MALRD1: variants seen among roughly 807,000 people sequenced by gnomAD.
MALRD1 encodes MAM and LDL receptor class A domain containing 1.
A neutral mutation model predicts 242.1 loss-of-function variants in MALRD1; 247 were observed. That is an observed-to-expected ratio of 1.02 (90% CI 0.92 to 1.13). MALRD1 has a LOEUF of 1.13. Ranked by LOEUF, MALRD1 falls within the 50% of genes most tolerant of loss-of-function variation. The pLI is 0.00. For missense variants in MALRD1, 2,989 were observed against 2,533.1 expected, an observed-to-expected ratio of 1.18 and a Z score of -3.86; for synonymous variants, 995 against 866.6, an observed-to-expected ratio of 1.15 and a Z score of -2.60.
chr10:19,206,748 T>G (rs1461057017), intron 17 of MALRD1, among the ~76,000 whole-genome samples: 1 of 152,168 alleles, frequency 6.6e-6, no homozygotes, highest in Non-Finnish European at 1.5e-5. Flanking sequence ...TATGGAAAGG[T>G]GGAGCTAGGC....
chr10:19,074,841 T>C (rs1285924421), intron 2 of MALRD1, among the ~76,000 whole-genome samples: 1 of 152,074 alleles, frequency 6.6e-6, no homozygotes, highest in East Asian at 1.9e-4. Context: ...TTCAAATTAA[T>C]TTAGACACAA....
At chr10:19,350,442 TG>T (rs1780624073) in intron 25 of MALRD1, among the ~76,000 whole-genome samples, 1 of 151,726 alleles carries the variant, frequency 6.6e-6, no homozygotes, top group African/African-American at 2.4e-5. Context: ...AGCTGTTTTT[TG>T]TTGTTGTATT....
intron 18 of MALRD1, among the ~76,000 whole-genome samples, chr10:19,230,175 A>T (rs1431302291): frequency 3.3e-5 from 5 of 150,976 alleles, no homozygotes; most frequent in Non-Finnish European, 7.4e-5. Flanking sequence ...AATTCATTAA[A>T]CCTCTTTTTC....
At position 19,685,892 on chromosome 10, in the gene MALRD1, C is replaced by T. The variant is rs937815525; in HGVS notation, c.6138-6390C>T. ...AACCAATCTCATGGATTAGCAATGC[C>T]GTGCGGTGATAGGTGTGGTTCTGAG... On this transcript the variant is annotated intron_variant, in intron 36 of 39. Transcript: ENST00000454679. 3.3e-5 allele frequency among the ~76,000 whole-genome samples: 5 copies of T among 152,056 alleles called. 1 individual carries two copies. Among genetic ancestry groups the T allele is most frequent in the South Asian group, 4.1e-4 (2 of 4,822 alleles).
intron 35 of MALRD1, among the ~76,000 whole-genome samples, chr10:19,613,271 T>C (rs1474733874): frequency 1.3e-5 from 2 of 152,032 alleles, no homozygotes; most frequent in African/African-American, 4.8e-5. Context: ...ATTAAATATT[T>C]CATCTGAGGT....
chr10:19,416,215 A>G (rs558892184), intron 28 of MALRD1, among the ~76,000 whole-genome samples: 1 of 152,338 alleles, frequency 6.6e-6, no homozygotes, highest in South Asian at 2.1e-4. Flanking sequence ...CAATTAAACT[A>G]AATGAGAGTT....
chr10:19,556,060 C>T (rs1835703113), intron 32 of MALRD1, among the ~76,000 whole-genome samples: 1 of 152,068 alleles, frequency 6.6e-6, no homozygotes. Context: ...ATTCTCTCAC[C>T]AGCGCTATCA....
At chr10:19,389,360 A>C in intron 27 of MALRD1, 92 bp from the exon 28 acceptor site, 1 of 1,327,808 alleles carries the variant, frequency 7.5e-7, no homozygotes, top group Non-Finnish European at 1.1e-6. Context: ...GATCATACGA[A>C]TTGTAATTAA....
intron 33 of MALRD1, among the ~76,000 whole-genome samples, chr10:19,586,998 G>A (rs1034281116): frequency 7.9e-5 from 12 of 152,184 alleles, no homozygotes; most frequent in Non-Finnish European, 1.5e-4. Flanking sequence ...TCCAGGTGCC[G>A]TCTGTCACCA....
At chr10:19,138,422 A>ATTTTTTTT in intron 10 of MALRD1, among the ~76,000 whole-genome samples, 1 of 136,598 alleles carries the variant, frequency 7.3e-6, no homozygotes. Context: ...CACGTATTTA[A>ATTTTTTTT]TTTTTTTTTT....
At chr10:19,224,688 T>G (rs1484814279) in intron 18 of MALRD1, among the ~76,000 whole-genome samples, 6 of 152,166 alleles carry the variant, frequency 3.9e-5, no homozygotes, top group Non-Finnish European at 8.8e-5. Context: ...ATGGGGTTGT[T>G]TTTTTCTTGT....
chr10:19,510,706 T>C (rs1196580543), intron 31 of MALRD1, among the ~76,000 whole-genome samples: 2 of 152,260 alleles, frequency 1.3e-5, no homozygotes, highest in African/African-American at 4.8e-5. Context: ...GAGTCTCTTA[T>C]GTCTACTTCT....
At chr10:19,398,391 A>AT (rs76712590) in intron 28 of MALRD1, among the ~76,000 whole-genome samples, 22,399 of 152,116 alleles carry the variant, frequency 0.15, 1,797 homozygotes, top group East Asian at 0.27. Context: ...GACTTTGAAA[A>AT]ATATATGTTA....
At chr10:19,342,485 A>T (rs1374111326) in intron 24 of MALRD1, among the ~76,000 whole-genome samples, 1 of 152,134 alleles carries the variant, frequency 6.6e-6, no homozygotes, top group Non-Finnish European at 1.5e-5. Context: ...AGTAAAAGAG[A>T]TATGTAAATA....
chr10:19,499,389 T>G (rs1837865785), intron 31 of MALRD1, among the ~76,000 whole-genome samples: 3 of 149,696 alleles, frequency 2.0e-5, no homozygotes, highest in Admixed American at 1.3e-4. Context: ...GAACTTTGAG[T>G]AAAGTGGATT....
At chr10:19,317,708 T>A (rs1588901215) in intron 21 of MALRD1, among the ~76,000 whole-genome samples, 1 of 151,886 alleles carries the variant, frequency 6.6e-6, no homozygotes, top group East Asian at 1.9e-4. Flanking sequence ...TGAATTAGAG[T>A]AACTACTCAG....
chr10:19,586,862 G>A (rs556409860), intron 33 of MALRD1, among the ~76,000 whole-genome samples: 2 of 152,208 alleles, frequency 1.3e-5, no homozygotes, highest in Non-Finnish European at 1.5e-5. Context: ...AGACTGCTGC[G>A]TTAGCAATCA....
chr10:19,621,504 T>C (rs960221983), intron 36 of MALRD1, among the ~76,000 whole-genome samples: 23 of 151,564 alleles, frequency 1.5e-4, no homozygotes, highest in South Asian at 8.3e-4. Context: ...TGTAAATGTA[T>C]TCAGAAATTT....
At chr10:19,305,180 A>C (rs573562597) in intron 21 of MALRD1, among the ~76,000 whole-genome samples, 60 of 151,788 alleles carry the variant, frequency 4.0e-4, no homozygotes, top group African/African-American at 1.3e-3. Flanking sequence ...AATCGTATCT[A>C]TTTTAACATA....
Sources: allele counts gnomAD v4.1 joint callset (sites outside exome capture counted in the v4.1 genomes callset), GRCh38; gene constraint gnomAD v4.1.1; transcripts MANE v1.5; gene names NCBI Gene and HGNC (gene_info 2026-07-23, HGNC 2026-07-21).